The following LAMA2 variants were observed in gnomAD, a reference collection of about 807,000 sequenced individuals.
LAMA2 encodes laminin subunit alpha 2, also known as laminin subunit alpha-2.
LAMA2 carries 269 observed loss-of-function variants against 364.8 expected under a neutral mutation model. The ratio of observed to expected loss-of-function variants is 0.74; its 90% CI spans 0.67 to 0.82. The LOEUF (loss-of-function observed/expected upper bound fraction) is 0.82. LAMA2 is among the 40% of genes least tolerant of loss of function. The pLI is 0.00. For missense variants in LAMA2, 3,807 were observed against 3,873.2 expected (o/e 0.98, Z 0.45); for synonymous variants, 1,379 against 1,370.6 (o/e 1.01, Z -0.14).
chr6:129,310,051 T>C (rs1032438681), intron 22 of LAMA2, among the ~76,000 whole-genome samples: 61 of 151,196 alleles, frequency 4.0e-4, no homozygotes, highest in African/African-American at 7.8e-4. Flanking sequence ...AGGCGCCCGC[T>C]ACCACGCCCG....
intron 1 of LAMA2, among the ~76,000 whole-genome samples, chr6:128,990,022 G>T (rs1342847350): frequency 6.6e-6 from 1 of 152,102 alleles, no homozygotes; most frequent in African/African-American, 2.4e-5. Flanking sequence ...ATTTTAGGGG[G>T]ACACAAACAT....
chr6:128,923,911 A>T (rs1562834855), intron 1 of LAMA2, among the ~76,000 whole-genome samples: 2 of 152,136 alleles, frequency 1.3e-5, no homozygotes, highest in Non-Finnish European at 1.5e-5. Context: ...GGAAGAGAGG[A>T]GTGGGGAGCT....
intron 1 of LAMA2, among the ~76,000 whole-genome samples, chr6:129,047,480 A>G (rs1176056494): frequency 6.6e-6 from 1 of 152,222 alleles, no homozygotes; most frequent in East Asian, 1.9e-4. Flanking sequence ...CTTTCAGCTG[A>G]AGAAAAACAC....
At chr6:129,325,759 C>T (rs1583497669) in intron 28 of LAMA2, among the ~76,000 whole-genome samples, 1 of 152,168 alleles carries the variant, frequency 6.6e-6, no homozygotes, top group Non-Finnish European at 1.5e-5. Flanking sequence ...TTGCCCATAT[C>T]TCTCAGACAA....
chr6:129,078,442 C>T (rs765688414), intron 3 of LAMA2, among the ~76,000 whole-genome samples: 2 of 152,018 alleles, frequency 1.3e-5, no homozygotes, highest in Non-Finnish European at 1.5e-5. Flanking sequence ...GCCAAAATCT[C>T]TGTATCTTCC....
At chr6:129,373,052 GT>G (rs1274433142) in intron 34 of LAMA2, among the ~76,000 whole-genome samples, 1 of 152,056 alleles carries the variant, frequency 6.6e-6, no homozygotes, top group Admixed American at 6.6e-5. Context: ...TATCAGATAT[GT>G]CTTTTGCCAT....
chr6:129,175,184 T>G (rs1176752181), intron 9 of LAMA2, among the ~76,000 whole-genome samples: 1 of 152,216 alleles, frequency 6.6e-6, no homozygotes, highest in Non-Finnish European at 1.5e-5. Context: ...TAGAGGATCC[T>G]TTTAATGTAC....
intron 21 of LAMA2, among the ~76,000 whole-genome samples, chr6:129,300,251 C>T (rs1006035108): frequency 5.3e-5 from 8 of 152,132 alleles, no homozygotes; most frequent in East Asian, 3.9e-4. Flanking sequence ...CTGTTGTGTG[C>T]GTTTCTAACT....
At chr6:129,239,865 C>T (rs1377916726) in intron 12 of LAMA2, among the ~76,000 whole-genome samples, 1 of 152,060 alleles carries the variant, frequency 6.6e-6, no homozygotes, top group Non-Finnish European at 1.5e-5. Context: ...AGGGACAGAA[C>T]TAATAGGATT....
At chr6:128,912,926 G>A (rs529948764) in intron 1 of LAMA2, among the ~76,000 whole-genome samples, 9 of 152,294 alleles carry the variant, frequency 5.9e-5, no homozygotes, top group Admixed American at 1.3e-4. Context: ...CAGGAGGAGG[G>A]AATGGTGGGC....
chr6:128,983,858 G>A (rs1453395282), intron 1 of LAMA2, among the ~76,000 whole-genome samples: 1 of 152,156 alleles, frequency 6.6e-6, no homozygotes, highest in East Asian at 1.9e-4. Flanking sequence ...TGGAAATGAA[G>A]TCACATGGCT....
chr6:129,462,900 G>C (rs2114805901), intron 49 of LAMA2, among the ~76,000 whole-genome samples: 1 of 152,120 alleles, frequency 6.6e-6, no homozygotes, highest in Admixed American at 6.6e-5. Flanking sequence ...ATGTCATAAA[G>C]ACCTTAGAAT....
chr6:129,397,335 G>A (rs1779709313), intron 37 of LAMA2, among the ~76,000 whole-genome samples: 1 of 151,760 alleles, frequency 6.6e-6, no homozygotes, highest in Non-Finnish European at 1.5e-5. Flanking sequence ...TTTTCTATCT[G>A]TGCCTCTCTT....
intron 1 of LAMA2, among the ~76,000 whole-genome samples, chr6:129,033,838 A>G (rs1368586598): frequency 6.6e-6 from 1 of 151,644 alleles, no homozygotes; most frequent in African/African-American, 2.4e-5. Flanking sequence ...CACCCCCTCT[A>G]TGAATATTTT....
In LAMA2 at chr6:129,250,027, T is replaced by C. The variant is rs114477562; in HGVS notation, c.1783-85T>C. On this transcript the variant is annotated intron_variant, in intron 12 of 64. Transcript: ENST00000421865. ...TTGCAAATACTGCCCTATAGAACAA[T>C]AAAATTCGTATACAACAGTAAGTAA... is the stretch of plus-strand genomic sequence containing the variant. 1,311 of 868,152 alleles carry C rather than the reference T, an allele frequency of 1.5e-3. 8 individuals are homozygous for C. The African/African-American group carries it at 0.02, about 13-fold the overall frequency. 53.8% of individuals were successfully genotyped at this position (868,152 alleles called of 1,614,324 possible).
intron 1 of LAMA2, among the ~76,000 whole-genome samples, chr6:128,987,835 A>G (rs935092223): frequency 7.9e-5 from 12 of 152,132 alleles, no homozygotes; most frequent in African/African-American, 2.4e-4. Flanking sequence ...CATGAAACAT[A>G]TGACAGAATA....
chr6:128,997,456 G>T (rs1582847258), intron 1 of LAMA2, among the ~76,000 whole-genome samples: 2 of 152,110 alleles, frequency 1.3e-5, no homozygotes, highest in South Asian at 4.1e-4. Context: ...AATAGTATTA[G>T]TCAAAGTTGA....
rs2114694787 is a variant in LAMA2, at chr6:129,402,415, A to G, written c.5654A>G (p.Lys1885Arg). The change falls in exon 39 of 65, where the codon AAG (lysine) becomes AGG (arginine). Residue 1885 changes from lysine to arginine, a missense_variant. Transcript: ENST00000421865. Reference sequence around the variant, plus strand: ...CTCTCCCAAGAAATAAAGGACAGGAAGCTTGCTGAGAAGGTGTCCCAGGCT... The same window carrying G: ...CTCTCCCAAGAAATAAAGGACAGGAGGCTTGCTGAGAAGGTGTCCCAGGCT... ...DDLSQEIKDR[K>R]LAEKVSQAES... 1.9e-6 allele frequency: 3 copies of G among 1,614,148 alleles called. No individual in the cohort carries two copies. The highest frequency in any genetic ancestry group is 2.5e-6 in the Non-Finnish European group (3 of 1,180,024).
chr6:129,028,871 T>TA (rs1193074731), intron 1 of LAMA2, among the ~76,000 whole-genome samples: 1 of 151,830 alleles, frequency 6.6e-6, no homozygotes, highest in African/African-American at 2.4e-5. Context: ...CACTGATCAG[T>TA]AACTTCTAGT....
Sources: allele counts gnomAD v4.1 joint callset (sites outside exome capture counted in the v4.1 genomes callset), GRCh38; gene constraint gnomAD v4.1.1; transcripts MANE v1.5; gene names NCBI Gene and HGNC (gene_info 2026-07-23, HGNC 2026-07-21).